Variants in ANAPC1 observed in about 807,000 individuals in gnomAD.
ANAPC1 encodes anaphase-promoting complex subunit 1.
In ANAPC1, 36 loss-of-function variants were observed where a neutral mutation model predicts 208.0. That is an observed-to-expected ratio of 0.17 (90% confidence interval 0.13 to 0.23). The LOEUF (loss-of-function observed/expected upper bound fraction) is 0.23. Among genes scored for constraint, ANAPC1 ranks in the 10% least tolerant of loss-of-function variants. The pLI, the probability that ANAPC1 is intolerant of heterozygous loss-of-function variation, is 1.00. For missense variants in ANAPC1, 942 were observed against 2,011.6 expected (o/e 0.47, Z 10.17); for synonymous variants, 378 against 695.2 (o/e 0.54, Z 7.18).
intron 6 of ANAPC1, among the ~76,000 whole-genome samples, chr2:111,870,257 T>G (rs193295487): frequency 6.6e-6 from 1 of 152,252 alleles, no homozygotes; most frequent in Non-Finnish European, 1.5e-5. Context: ...CTAGATTGAA[T>G]GGTAGACGTA....
chr2:111,785,976 A>C (rs554987067), intron 39 of ANAPC1, among the ~76,000 whole-genome samples: 1 of 152,228 alleles, frequency 6.6e-6, no homozygotes, highest in Non-Finnish European at 1.5e-5. Flanking sequence ...GAAACACAGT[A>C]CATCAAACAT....
intron 44 of ANAPC1, chr2:111,779,560 G>C (rs1314247308): frequency 1.3e-5 from 2 of 152,412 alleles, no homozygotes; most frequent in African/African-American, 4.8e-5. Context: ...ATCTGGGCCA[G>C]GCACAGTGGC....
intron 1 of ANAPC1, among the ~76,000 whole-genome samples, chr2:111,882,919 G>C (rs1048380729): frequency 6.6e-6 from 1 of 152,046 alleles, no homozygotes; most frequent in Non-Finnish European, 1.5e-5. Context: ...TGTAATCCCA[G>C]CACTTTGGGT....
rs1558712640 is a variant in ANAPC1, at chr2:111,843,526, G to T, written c.1926C>A (p.Tyr642Ter). ...GTCCTCCTGGAGCACTGTGGACATT[G>T]TACCACTTGACAAGCATCTGAACTG... ...EIAVQMLVKWYNVHSAPGGPS... is the reference protein window; with the variant it reads ...EIAVQMLVKW The change falls in exon 17 of 48, where the codon TAC becomes TAA. Residue 642 changes from tyrosine to a stop codon, truncating the protein, a stop_gained. Transcript: ENST00000341068. LOFTEE classifies it high-confidence loss of function. 8 of 1,611,934 alleles carry T rather than the reference G, an allele frequency of 5.0e-6. No individual in the cohort carries two copies. Among genetic ancestry groups the T allele is most frequent in the East Asian group, 2.2e-5 (1 of 44,876 alleles).
intron 20 of ANAPC1, 69 bp from the exon 21 acceptor site, chr2:111,831,503 G>A (rs11675449): frequency 0.21 from 265,693 of 1,239,588 alleles, 29,916 homozygotes; most frequent in Middle Eastern, 0.28. Context: ...TATTTTAAAC[G>A]GAAGATGATC....
At chr2:111,786,327 A>AGGTT (rs987550433) in intron 39 of ANAPC1, among the ~76,000 whole-genome samples, 1 of 128,522 alleles carries the variant, frequency 7.8e-6, no homozygotes, top group African/African-American at 3.0e-5. Context: ...CAGGAGATGG[A>AGGTT]GGTTGCAGTG....
At chr2:111,858,136 T>C (rs1490081011) in intron 11 of ANAPC1, among the ~76,000 whole-genome samples, 170 bp downstream of exon 11, 1 of 151,978 alleles carries the variant, frequency 6.6e-6, no homozygotes, top group Non-Finnish European at 1.5e-5. Context: ...TGTATAACAC[T>C]GTAATTTACT....
At chr2:111,771,061 G>A (rs1261955728) in intron 47 of ANAPC1, 1 of 152,120 alleles carries the variant, frequency 6.6e-6, no homozygotes, top group Non-Finnish European at 1.5e-5. Flanking sequence ...CCTTAGTTCT[G>A]CTCTAGGCTA....
rs769933324 is a variant in ANAPC1, at chr2:111,825,048, T to C, written c.2742-12A>G. 8.7e-6 allele frequency: 14 copies of C among 1,613,776 alleles called. No individual in the cohort carries two copies. Among genetic ancestry groups the C allele is most frequent in the Admixed American group, 3.3e-5 (2 of 59,984 alleles). On this transcript the variant is annotated splice_polypyrimidine_tract_variant and intron_variant, in intron 23 of 47. Coordinates refer to ENST00000341068, the MANE Select transcript of ANAPC1 (RefSeq NM_022662.4). ...GCCTGAAACTAAACCTATAAGAGAA[T>C]AAAACATAAAGTTATTAAGCAGAAC...
In ANAPC1 at chr2:111,816,748, T is replaced by C. The variant is rs982502881; in HGVS notation, c.3326-1107A>G. 2.9e-5 allele frequency among the ~76,000 whole-genome samples: 4 copies of C among 140,106 alleles called. 1 individual carries two copies. The highest frequency in any genetic ancestry group is 8.0e-5 in the African/African-American group (3 of 37,370). 91.9% of individuals were successfully genotyped at this position (140,106 alleles called of 152,430 possible). On this transcript the variant is annotated intron_variant, in intron 27 of 47. Transcript: ENST00000341068. ...ACCATTTTTAAAGAGTTCTAAGATG[T>C]TATGTAAAATAAATTTTAAGTAGAT... is the stretch of plus-strand genomic sequence containing the variant.
rs576590126 is a variant in ANAPC1, at chr2:111,768,143, G to A, written c.*1148C>T. ...CCCACTGGCCATCCAGGAAGCACAG[G>A]ACACATATCAGCATCTGAACAGCAG... is the stretch of plus-strand genomic sequence containing the variant. On this transcript the variant is annotated 3_prime_UTR_variant, in exon 48 of 48. Transcript: ENST00000341068. The A allele has an allele frequency of 3.9e-5, 6 of 152,330 alleles. No homozygotes were observed. Among genetic ancestry groups the A allele is most frequent in the South Asian group, 4.1e-4 (2 of 4,820 alleles). 9.4% of individuals were successfully genotyped at this position (152,330 alleles called of 1,614,324 possible).
Position 111,834,681 on chromosome 2 carries a change from C to G in ANAPC1, c.2307G>C (p.Val769=). 1 of 1,613,580 alleles carries G rather than the reference C, an allele frequency of 6.2e-7. No homozygotes were observed. The highest frequency in any genetic ancestry group is 8.5e-7 in the Non-Finnish European group (1 of 1,179,760). ...GAGTATTCAACTTAAGCTCCTCATA[C>G]ACAAGGTGAAGAACGAAAAAAATTG... ...IPAIFFVLHL[V]YEELKLNTLM... Residue 769 remains valine (V), a synonymous_variant, in exon 19 of 48, where the codon GTG becomes GTC. Coordinates refer to ENST00000341068, the MANE Select transcript of ANAPC1 (RefSeq NM_022662.4).
Position 111,811,054 on chromosome 2 carries a change from G to C in ANAPC1, c.3598-1873C>G, listed in dbSNP as rs2944555. On this transcript the variant is annotated intron_variant, in intron 28 of 47. Coordinates refer to ENST00000341068, the MANE Select transcript of ANAPC1 (RefSeq NM_022662.4). ...AACCAGTTTCCCTTCACAGAAGTTC[G>C]GCCATCATGTGGGATCAGAATAAGG... is the stretch of plus-strand genomic sequence containing the variant. 1.6e-4 allele frequency among the ~76,000 whole-genome samples: 25 copies of C among 152,126 alleles called. No homozygotes were observed. In the East Asian group the frequency reaches 4.3e-3, roughly 26 times the overall value.
intron 39 of ANAPC1, among the ~76,000 whole-genome samples, chr2:111,786,028 A>C (rs1189030850): frequency 6.6e-6 from 1 of 151,970 alleles, no homozygotes; most frequent in Admixed American, 6.5e-5. Flanking sequence ...GTTCTCAAAC[A>C]GTTTTTTAAA....
At chr2:111,848,342 G>A (rs62165429) in intron 14 of ANAPC1, among the ~76,000 whole-genome samples, 82,081 of 143,730 alleles carry the variant, frequency 0.57, 24,546 homozygotes, top group South Asian at 0.67. Flanking sequence ...TTCTTGGAGA[G>A]CCTTGCTTTT....
Position 111,794,882 on chromosome 2 carries a change from T to C in ANAPC1, c.4309A>G (p.Asn1437Asp). 1 of 1,415,502 alleles carries C rather than the reference T, an allele frequency of 7.1e-7. No homozygotes were observed. The highest frequency in any genetic ancestry group is 9.8e-7 in the Non-Finnish European group (1 of 1,022,582). 87.7% of individuals were successfully genotyped at this position (1,415,502 alleles called of 1,614,324 possible). Residue 1437 changes from asparagine (N) to aspartate (D), a missense_variant, in exon 35 of 48, where the codon AAT becomes GAT. Physicochemically the swap from Asn to Asp is conservative, Grantham distance 23. Transcript: ENST00000341068. ...DSNVPQIIRE[N>D]SISLSEIELP... ...TCGATTTCACTGAGAGAGATACTAT[T>C]TTCTCTTATAATCTGTCAATATAGA...
chr2:111,873,917 T>TA (rs1682894222), intron 3 of ANAPC1, among the ~76,000 whole-genome samples: 1 of 151,888 alleles, frequency 6.6e-6, no homozygotes, highest in Admixed American at 6.5e-5. Context: ...AATTTTAAAT[T>TA]AAAAAAATAA....
At chr2:111,881,469 T>C (rs185752149) in intron 1 of ANAPC1, among the ~76,000 whole-genome samples, 8 of 152,272 alleles carry the variant, frequency 5.3e-5, no homozygotes, top group African/African-American at 1.4e-4. Flanking sequence ...AACCGAGGCA[T>C]GAATAACTCT....
At chr2:111,860,363 T>C (rs201645790) in intron 10 of ANAPC1, among the ~76,000 whole-genome samples, 5,140 of 147,964 alleles carry the variant, frequency 0.035, 200 homozygotes, top group African/African-American at 0.098. Flanking sequence ...TTATTATAGT[T>C]CAGCAAAAAC....
Sources: gnomAD v4.1 joint callset for allele counts (sites outside exome capture counted in the v4.1 genomes callset) on GRCh38, gnomAD v4.1.1 for gene constraint, MANE v1.5 for transcripts, NCBI Gene and HGNC (gene_info 2026-07-23, HGNC 2026-07-21) for gene names.